Variants in CCDC7 observed in about 807,000 individuals in gnomAD.
CCDC7 encodes the protein coiled-coil domain containing 7.
CCDC7 carries 183 observed loss-of-function variants against 196.9 expected under a neutral mutation model. That is an observed-to-expected ratio of 0.93 (90% CI 0.82 to 1.05). CCDC7 has a LOEUF of 1.05. Among genes scored for constraint, CCDC7 ranks in the 50% least tolerant of loss-of-function variants. CCDC7 has a pLI of 0.00. For synonymous variants in CCDC7, 525 were observed against 484.6 expected (o/e 1.08, Z -1.10); for missense variants, 1,540 against 1,482.2 (o/e 1.04, Z -0.64).
chr10:32,688,141 T>A (rs1404901014), intron 22 of CCDC7, among the ~76,000 whole-genome samples: 1 of 152,138 alleles, frequency 6.6e-6, no homozygotes, highest in African/African-American at 2.4e-5. Context: ...AGGGGCTCTG[T>A]TGTGACACAC....
intron 13 of CCDC7, among the ~76,000 whole-genome samples, chr10:32,547,045 G>A (rs1235159345): frequency 6.6e-6 from 1 of 150,876 alleles, no homozygotes; most frequent in African/African-American, 2.4e-5. Flanking sequence ...CTTCTACAGG[G>A]TCTCACTCTG....
At chr10:32,663,622 A>G (rs756590889) in intron 20 of CCDC7, among the ~76,000 whole-genome samples, 1 of 152,134 alleles carries the variant, frequency 6.6e-6, no homozygotes, top group Admixed American at 6.6e-5. Context: ...ATCATATTAA[A>G]TATTGTAGTT....
intron 29 of CCDC7, among the ~76,000 whole-genome samples, chr10:32,800,637 A>G (rs1226749583): frequency 2.6e-5 from 4 of 152,198 alleles, no homozygotes; most frequent in African/African-American, 4.8e-5. Flanking sequence ...TACCCTAGTA[A>G]AAGGCTGGAG....
intron 20 of CCDC7, among the ~76,000 whole-genome samples, chr10:32,641,760 GT>G (rs947721222): frequency 2.1e-4 from 32 of 152,280 alleles, no homozygotes; most frequent in African/African-American, 7.7e-4. Flanking sequence ...TTTCTGTTCT[GT>G]TTTTTCCCCA....
Position 32,786,190 on chromosome 10 carries a change from G to A in CCDC7, c.3013+7106G>A, listed in dbSNP as rs541600124. ...TAACAGATTTCAGTGGTAACACACA[G>A]AATAAAGTAAATTTTTTGTAAAAAT... is the stretch of plus-strand genomic sequence containing the variant. On this transcript the variant is annotated intron_variant, in intron 29 of 41. Transcript: ENST00000639629. Among the ~76,000 whole-genome samples, 11 of 152,268 alleles carry A rather than the reference G, an allele frequency of 7.2e-5. No individual in the cohort carries two copies. The South Asian group carries it at 2.1e-3, about 29-fold the overall frequency.
intron 9 of CCDC7, among the ~76,000 whole-genome samples, chr10:32,507,160 T>G (rs2045324354): frequency 6.6e-6 from 1 of 151,880 alleles, no homozygotes; most frequent in African/African-American, 2.4e-5. Flanking sequence ...ACCCAGCTAA[T>G]TTTTGTATTT....
chr10:32,821,794 C>G (rs560294123), intron 31 of CCDC7, among the ~76,000 whole-genome samples: 1 of 151,994 alleles, frequency 6.6e-6, no homozygotes, highest in South Asian at 2.1e-4. Context: ...GGGAACATCA[C>G]ACACTGGGGC....
At position 32,766,340 on chromosome 10, in the gene CCDC7, C is replaced by T. The variant is rs189596710; in HGVS notation, c.2906-12637C>T. On this transcript the variant is annotated intron_variant, in intron 28 of 41. Transcript: ENST00000639629. ...TGGGCATGCTACTGTGGCTCACTCA[C>T]TTACTGAGTGACCTGGAAATCTGTT... is the stretch of plus-strand genomic sequence containing the variant. Among the ~76,000 whole-genome samples, 5 of 152,074 alleles carry T rather than the reference C, an allele frequency of 3.3e-5. 1 individual carries two copies. The highest frequency in any genetic ancestry group is 1.2e-4 in the African/African-American group (5 of 41,508).
At chr10:32,690,351 T>G (rs2076944439) in intron 23 of CCDC7, among the ~76,000 whole-genome samples, 1 of 152,202 alleles carries the variant, frequency 6.6e-6, no homozygotes, top group Non-Finnish European at 1.5e-5. Flanking sequence ...GGTAGCCTTG[T>G]GGAAGGATAT....
At position 32,859,956 on chromosome 10, in the gene CCDC7, G is replaced by A. The variant is rs547564205; in HGVS notation, c.4111+5467G>A. ...AACCAAAAAAAGTCCAGGACCAGAC[G>A]GATTCACAGCCAAATTCTACCAGAG... On this transcript the variant is annotated intron_variant, in intron 41 of 41. Transcript: ENST00000639629. Among the ~76,000 whole-genome samples the A allele has an allele frequency of 2.6e-5, 4 of 152,202 alleles. No individual in the cohort carries two copies. In the East Asian group the frequency reaches 7.7e-4, roughly 29 times the overall value.
chr10:32,759,666 T>C lies in CCDC7; in HGVS notation c.2906-19311T>C, dbSNP rs562608190. Among the ~76,000 whole-genome samples, 9 of 152,300 alleles carry C rather than the reference T, an allele frequency of 5.9e-5. No homozygotes were observed. The South Asian group carries it at 1.9e-3, about 32-fold the overall frequency. On this transcript the variant is annotated intron_variant, in intron 28 of 41. Coordinates refer to ENST00000639629, the Ensembl canonical transcript of CCDC7. ...CTAGAAGAAAACCTAGGCAATACCT[T>C]TCAGGACATAGGCATGGGCAAGGAC...
intron 28 of CCDC7, among the ~76,000 whole-genome samples, chr10:32,749,182 A>C (rs1392194378): frequency 1.3e-5 from 2 of 152,300 alleles, no homozygotes; most frequent in South Asian, 4.1e-4. Context: ...TTTTCTATGA[A>C]GTATCTAAGA....
chr10:32,745,427 A>G (rs1469093643), intron 28 of CCDC7, among the ~76,000 whole-genome samples: 2 of 152,206 alleles, frequency 1.3e-5, no homozygotes, highest in Non-Finnish European at 2.9e-5. Flanking sequence ...TTAACTCACA[A>G]TGTAAGGGGA....
At chr10:32,661,296 G>A (rs1308925388) in intron 20 of CCDC7, among the ~76,000 whole-genome samples, 1 of 150,302 alleles carries the variant, frequency 6.7e-6, no homozygotes, top group East Asian at 2.0e-4. Flanking sequence ...CAGTTAGAAT[G>A]GCAATCATTA....
chr10:32,493,883 G>T (rs1308178488), intron 9 of CCDC7, among the ~76,000 whole-genome samples: 1 of 151,784 alleles, frequency 6.6e-6, no homozygotes, highest in Non-Finnish European at 1.5e-5. Context: ...ATTTTTAAAT[G>T]GTGTTATTTG....
At chr10:32,737,146 T>G (rs12355065) in intron 28 of CCDC7, among the ~76,000 whole-genome samples, 21,043 of 152,146 alleles carry the variant, frequency 0.14, 1,759 homozygotes, top group East Asian at 0.25. Context: ...TCTGTTGATG[T>G]GGTGGATTAC....
At chr10:32,854,906 G>T (rs904912135) in intron 41 of CCDC7, among the ~76,000 whole-genome samples, 1 of 151,080 alleles carries the variant, frequency 6.6e-6, no homozygotes, top group Non-Finnish European at 1.5e-5. Flanking sequence ...TTATGTCACA[G>T]TGATTGCATT....
chr10:32,519,616 A>G (rs1232822034), intron 11 of CCDC7, among the ~76,000 whole-genome samples: 1 of 152,110 alleles, frequency 6.6e-6, no homozygotes, highest in Non-Finnish European at 1.5e-5. Context: ...TAGTAGGTGT[A>G]TATATTTATG....
chr10:32,753,773 A>G (rs1413273752), intron 28 of CCDC7, among the ~76,000 whole-genome samples: 1 of 152,166 alleles, frequency 6.6e-6, no homozygotes, highest in Non-Finnish European at 1.5e-5. Context: ...GTGTTACCTT[A>G]ACAATTATGG....
Sources: allele counts gnomAD v4.1 joint callset (sites outside exome capture counted in the v4.1 genomes callset), GRCh38; gene constraint gnomAD v4.1.1; transcripts MANE v1.5; gene names NCBI Gene and HGNC (gene_info 2026-07-23, HGNC 2026-07-21).